The following CA10 variants were observed in gnomAD, a reference collection of about 807,000 sequenced individuals.
CA10 encodes carbonic anhydrase-related protein 10.
Under a neutral mutation model 44.2 loss-of-function variants are expected in CA10, and 14 were observed. The ratio of observed to expected loss-of-function variants is 0.32; its 90% CI spans 0.21 to 0.50. The LOEUF (loss-of-function observed/expected upper bound fraction) is 0.50. Ranked by LOEUF, CA10 falls within the 20% of genes least tolerant of loss-of-function variation. The pLI, the probability that CA10 is intolerant of heterozygous loss-of-function variation, is 0.99. For synonymous variants in CA10, 159 were observed against 141.6 expected, an observed-to-expected ratio of 1.12 and a Z score of -0.87; for missense variants, 350 against 409.7, an observed-to-expected ratio of 0.85 and a Z score of 1.26.
chr17:51,839,639 T>C (rs1382228591), intron 3 of CA10, among the ~76,000 whole-genome samples: 2 of 151,458 alleles, frequency 1.3e-5, no homozygotes, highest in Non-Finnish European at 2.9e-5. Flanking sequence ...TATGAACTGA[T>C]AACTAGACAT....
intron 3 of CA10, among the ~76,000 whole-genome samples, chr17:51,794,239 G>A (rs142146673): frequency 5.3e-5 from 8 of 152,216 alleles, no homozygotes; most frequent in African/African-American, 1.7e-4. Flanking sequence ...AAATGAGCCT[G>A]TTAACAGGGC....
intron 2 of CA10, among the ~76,000 whole-genome samples, chr17:52,018,657 G>C (rs893891808): frequency 6.6e-6 from 1 of 152,094 alleles, no homozygotes; most frequent in African/African-American, 2.4e-5. Context: ...TTGAGTGTCA[G>C]ATGAGACTTT....
intron 1 of CA10, among the ~76,000 whole-genome samples, chr17:52,113,562 C>G (rs1402031251): frequency 6.6e-6 from 1 of 152,108 alleles, no homozygotes; most frequent in Non-Finnish European, 1.5e-5. Context: ...AGTTCAATGA[C>G]AGTACAAGAC....
At chr17:51,814,348 G>A (rs1907485543) in intron 3 of CA10, among the ~76,000 whole-genome samples, 1 of 152,146 alleles carries the variant, frequency 6.6e-6, no homozygotes, top group Non-Finnish European at 1.5e-5. Context: ...TACTCCAGTG[G>A]GAGTGTGAAG....
At chr17:52,003,798 T>G (rs1034138926) in intron 2 of CA10, among the ~76,000 whole-genome samples, 1 of 151,948 alleles carries the variant, frequency 6.6e-6, no homozygotes, top group African/African-American at 2.4e-5. Flanking sequence ...TGTTGACTTT[T>G]ATCAGCTTTT....
chr17:51,641,419 G>A (rs7212492), intron 6 of CA10, among the ~76,000 whole-genome samples: 100,693 of 151,876 alleles, frequency 0.66, 34,077 homozygotes, highest in South Asian at 0.76. Flanking sequence ...TTCAACATAA[G>A]CAAGCTTGTT....
chr17:51,953,692 AT>A (rs1316540258), intron 2 of CA10, among the ~76,000 whole-genome samples: 5 of 152,162 alleles, frequency 3.3e-5, no homozygotes, highest in Non-Finnish European at 7.4e-5. Flanking sequence ...TTTGATATAA[AT>A]ATACCAATAG....
At chr17:51,793,953 T>C (rs1906615055) in intron 3 of CA10, among the ~76,000 whole-genome samples, 1 of 152,232 alleles carries the variant, frequency 6.6e-6, no homozygotes, top group Admixed American at 6.5e-5. Flanking sequence ...AGTCCTTTTC[T>C]CTTTGTACAC....
chr17:51,959,609 T>A (rs1983807429), intron 2 of CA10, among the ~76,000 whole-genome samples: 1 of 151,816 alleles, frequency 6.6e-6, no homozygotes, highest in Non-Finnish European at 1.5e-5. Context: ...ACTGCTTTGA[T>A]AATTAAACTA....
At chr17:51,732,196 C>T (rs1050682658) in intron 4 of CA10, among the ~76,000 whole-genome samples, 4 of 152,112 alleles carry the variant, frequency 2.6e-5, no homozygotes, top group South Asian at 2.1e-4. Context: ...CTGGCAGAAA[C>T]GAAGGAGAGG....
chr17:52,157,987 C>G lies in CA10; in HGVS notation c.-201G>C, dbSNP rs763702834. The stretch of plus-strand genomic sequence containing the variant: ...TTGTTCCGGCAAATCTCCCCTCGGG[C>G]TCGACGGATGTGCGCCCCAGATGTG... On this transcript the variant is annotated 5_prime_UTR_variant, in exon 1 of 9. Coordinates refer to ENST00000451037, the MANE Select transcript of CA10 (RefSeq NM_020178.5). The G allele has an allele frequency of 1.6e-6, 1 of 615,752 alleles. No individual in the cohort carries two copies. The highest frequency in any genetic ancestry group is 1.8e-5 in the South Asian group (1 of 54,500). 38.1% of individuals were successfully genotyped at this position (615,752 alleles called of 1,614,324 possible).
At chr17:51,872,509 A>G (rs1477059712) in intron 3 of CA10, among the ~76,000 whole-genome samples, 1 of 152,196 alleles carries the variant, frequency 6.6e-6, no homozygotes, top group Non-Finnish European at 1.5e-5. Context: ...ACCTCTTTGT[A>G]TCTCTCTGCT....
At chr17:51,958,076 G>A (rs187426359) in intron 2 of CA10, among the ~76,000 whole-genome samples, 42 of 152,034 alleles carry the variant, frequency 2.8e-4, no homozygotes, top group Admixed American at 2.5e-3. Flanking sequence ...CATCTTTGTC[G>A]TGCCTTCAAT....
chr17:51,762,182 CTGTAAG>C (rs1247861839), intron 3 of CA10: 1 of 152,196 alleles, frequency 6.6e-6, no homozygotes, highest in East Asian at 1.9e-4. Context: ...GGCCACAGAT[CTGTAAG>C]TGTAATAGAT....
At position 52,007,533 on chromosome 17, in the gene CA10, G is replaced by T. The variant is rs374410717; in HGVS notation, c.136+64786C>A. Among the ~76,000 whole-genome samples, 6 of 151,502 alleles carry T rather than the reference G, an allele frequency of 4.0e-5. No individual in the cohort carries two copies. The South Asian group carries it at 8.3e-4, about 21-fold the overall frequency. ...ATCAATGTACAGAATTATACTGAGA[G>T]ATTTTTATGAATTTTTATGATAGTG... On this transcript the variant is annotated intron_variant, in intron 2 of 8. Coordinates refer to ENST00000451037, the MANE Select transcript of CA10 (RefSeq NM_020178.5).
intron 4 of CA10, among the ~76,000 whole-genome samples, chr17:51,686,625 T>C (rs1053070216): frequency 6.6e-6 from 1 of 152,194 alleles, no homozygotes; most frequent in Non-Finnish European, 1.5e-5. Flanking sequence ...GGCATTAGTT[T>C]TAACTCTACA....
rs1988333538 is a variant in CA10, at chr17:52,093,878, T to A, written c.62-21485A>T. On this transcript the variant is annotated intron_variant, in intron 1 of 8. Coordinates refer to ENST00000451037, the MANE Select transcript of CA10 (RefSeq NM_020178.5). ...TTACCTTATTTATACATAAAGACAC[T>A]GAAGTTCAAAGTTACTTGATCAGGG... is the stretch of plus-strand genomic sequence containing the variant. Among the ~76,000 whole-genome samples the A allele has an allele frequency of 2.0e-5, 3 of 152,278 alleles. No homozygotes were observed. In the South Asian group the frequency reaches 6.2e-4, roughly 32 times the overall value.
intron 1 of CA10, among the ~76,000 whole-genome samples, chr17:52,102,979 AT>A (rs199614629): frequency 3.6e-4 from 54 of 150,362 alleles, no homozygotes; most frequent in Admixed American, 3.3e-4. Flanking sequence ...CATGTATTAG[AT>A]TTTTTTTTTC....
intron 1 of CA10, among the ~76,000 whole-genome samples, chr17:52,092,096 CCT>C (rs1467764142): frequency 1.3e-5 from 2 of 152,046 alleles, no homozygotes; most frequent in African/African-American, 2.4e-5. Flanking sequence ...TGTATTTGTC[CCT>C]GTCTCCTTCT....
Sources: allele counts gnomAD v4.1 joint callset (sites outside exome capture counted in the v4.1 genomes callset), GRCh38; gene constraint gnomAD v4.1.1; transcripts MANE v1.5; gene names NCBI Gene and HGNC (gene_info 2026-07-23, HGNC 2026-07-21).